GALNTL6: variants seen among roughly 807,000 people sequenced by gnomAD.
The protein encoded by GALNTL6 is polypeptide N-acetylgalactosaminyltransferase-like 6.
A neutral mutation model predicts 73.7 loss-of-function variants in GALNTL6; 46 were observed. The observed-to-expected ratio is 0.62, with a 90% CI of 0.49 to 0.80. The LOEUF is 0.80. Among genes scored for constraint, GALNTL6 ranks in the 30% least tolerant of loss-of-function variants. The pLI, the probability that GALNTL6 is intolerant of heterozygous loss-of-function variation, is 0.00. For missense variants in GALNTL6, 604 were observed against 755.0 expected (o/e 0.80, Z 2.34); for synonymous variants, 259 against 263.7 (o/e 0.98, Z 0.17).
At chr4:171,932,645 T>C (rs1738222495) in intron 2 of GALNTL6, among the ~76,000 whole-genome samples, 1 of 152,150 alleles carries the variant, frequency 6.6e-6, no homozygotes, top group Non-Finnish European at 1.5e-5. Flanking sequence ...TCTACCTATT[T>C]CCTTTTTGTA....
chr4:171,907,285 AC>A (rs1737316139), intron 2 of GALNTL6, among the ~76,000 whole-genome samples: 1 of 152,230 alleles, frequency 6.6e-6, no homozygotes, highest in Admixed American at 6.5e-5. Flanking sequence ...CTGATAAGCA[AC>A]TTCAGCAAAG....
intron 4 of GALNTL6, among the ~76,000 whole-genome samples, chr4:172,335,658 C>A (rs1741289871): frequency 6.6e-6 from 1 of 152,070 alleles, no homozygotes; most frequent in South Asian, 2.1e-4. Flanking sequence ...TCAATTTCTT[C>A]CTGATTCAAT....
At chr4:172,358,476 G>A (rs1161405895) in intron 5 of GALNTL6, among the ~76,000 whole-genome samples, 2 of 152,148 alleles carry the variant, frequency 1.3e-5, no homozygotes, top group South Asian at 2.1e-4. Context: ...ACACAAATTC[G>A]TAGAGTTTCT....
Position 172,417,336 on chromosome 4 carries a change from C to A in GALNTL6, c.553+68647C>A, listed in dbSNP as rs370095238. Among the ~76,000 whole-genome samples, 42 of 152,240 alleles carry A rather than the reference C, an allele frequency of 2.8e-4. 1 individual carries two copies. In the East Asian group the frequency reaches 7.1e-3, roughly 26 times the overall value. ...AGGGAAATTATGCACAGAATTCAAG[C>A]CTAAGACCTCAGTTTGTTGCTAGAC... On this transcript the variant is annotated intron_variant, in intron 5 of 12. Transcript: ENST00000506823.
At chr4:172,746,579 C>A (rs1315112071) in intron 5 of GALNTL6, among the ~76,000 whole-genome samples, 1 of 151,872 alleles carries the variant, frequency 6.6e-6, no homozygotes, top group African/African-American at 2.4e-5. Context: ...TTTTGCAGTT[C>A]TTAGCTACCT....
At chr4:171,960,688 T>TGAAAA (rs745862164) in intron 2 of GALNTL6, among the ~76,000 whole-genome samples, 5 of 129,492 alleles carry the variant, frequency 3.9e-5, no homozygotes, top group African/African-American at 1.5e-4. Flanking sequence ...TGTCTTTATT[T>TGAAAA]AAAAAAAAAA....
intron 2 of GALNTL6, among the ~76,000 whole-genome samples, chr4:172,138,907 T>G (rs1401002602): frequency 6.6e-6 from 1 of 152,108 alleles, no homozygotes; most frequent in Non-Finnish European, 1.5e-5. Context: ...GTTTATAAAT[T>G]ATTTCTTCCT....
intron 2 of GALNTL6, among the ~76,000 whole-genome samples, chr4:171,889,891 G>T (rs544001301): frequency 3.8e-4 from 58 of 152,138 alleles, no homozygotes; most frequent in African/African-American, 1.3e-3. Context: ...GGTATGTTTT[G>T]CAAATATTCT....
intron 5 of GALNTL6, among the ~76,000 whole-genome samples, chr4:172,659,051 G>A (rs1027787220): frequency 3.9e-5 from 6 of 152,076 alleles, no homozygotes; most frequent in African/African-American, 7.2e-5. Context: ...ACATGTATTC[G>A]ATCATTTAAT....
intron 2 of GALNTL6, among the ~76,000 whole-genome samples, chr4:172,046,430 T>C (rs1742224426): frequency 6.6e-6 from 1 of 152,108 alleles, no homozygotes; most frequent in Non-Finnish European, 1.5e-5. Flanking sequence ...CATTAGGTAT[T>C]TCTGAGGAAA....
intron 2 of GALNTL6, among the ~76,000 whole-genome samples, chr4:172,056,404 C>A (rs189281481): frequency 3.0e-4 from 46 of 152,088 alleles, no homozygotes; most frequent in African/African-American, 9.6e-4. Flanking sequence ...TGTTAACATT[C>A]TTTTTTGCTG....
Position 172,961,452 on chromosome 4 carries a change from G to A in GALNTL6, c.1371+9194G>A, listed in dbSNP as rs377743827. 2.1e-3 allele frequency among the ~76,000 whole-genome samples: 322 copies of A among 152,316 alleles called. 1 individual carries two copies. Among genetic ancestry groups the A allele is most frequent in the African/African-American group, 7.3e-3 (303 of 41,558 alleles). On this transcript the variant is annotated intron_variant, in intron 10 of 12. Transcript: ENST00000506823. ...CCAGAAAAGCGGTACTTGCTGCTAA[G>A]GGTGAAGGACCAAGGCAGGCGTCCC...
intron 8 of GALNTL6, among the ~76,000 whole-genome samples, chr4:172,900,867 T>G (rs1040384640): frequency 6.6e-6 from 1 of 152,178 alleles, no homozygotes; most frequent in Non-Finnish European, 1.5e-5. Context: ...TCTGGAGAGT[T>G]TGCAAAATAT....
Position 172,952,024 on chromosome 4 carries a change from TC to T in GALNTL6, c.1150-11del. On this transcript the variant is annotated splice_polypyrimidine_tract_variant and intron_variant, in intron 9 of 12. Transcript: ENST00000506823. ...AAACCAATAAATGACATTTTTGTTTTCCTGCTGCACAGAACCTGAAGCGGGT... is the reference window on the plus strand; with the variant it reads ...AAACCAATAAATGACATTTTTGTTTTCTGCTGCACAGAACCTGAAGCGGGT... The T allele has an allele frequency of 1.9e-6, 3 of 1,579,092 alleles. No homozygotes were observed. The highest frequency in any genetic ancestry group is 2.6e-6 in the Non-Finnish European group (3 of 1,161,452).
At chr4:171,889,689 CG>C (rs1553967517) in intron 2 of GALNTL6, among the ~76,000 whole-genome samples, 1 of 151,848 alleles carries the variant, frequency 6.6e-6, no homozygotes, top group Non-Finnish European at 1.5e-5. Context: ...AAAAATGAGT[CG>C]CAATGGAGAA....
intron 5 of GALNTL6, among the ~76,000 whole-genome samples, chr4:172,393,133 A>T (rs1743724527): frequency 6.6e-6 from 1 of 152,096 alleles, no homozygotes; most frequent in South Asian, 2.1e-4. Flanking sequence ...GGGTGGAAAA[A>T]TTGTCTTCCA....
At chr4:172,037,933 C>T (rs1169422871) in intron 2 of GALNTL6, among the ~76,000 whole-genome samples, 1 of 151,900 alleles carries the variant, frequency 6.6e-6, no homozygotes, top group Non-Finnish European at 1.5e-5. Context: ...GCCTGGCCAA[C>T]ATGGTGAAAC....
chr4:172,993,474 T>A (rs1399368033), intron 10 of GALNTL6, among the ~76,000 whole-genome samples: 2 of 152,230 alleles, frequency 1.3e-5, no homozygotes, highest in Non-Finnish European at 2.9e-5. Flanking sequence ...CAGAGGTGAT[T>A]AAGGCAAGCT....
At chr4:172,499,074 C>G (rs1227473280) in intron 5 of GALNTL6, among the ~76,000 whole-genome samples, 1 of 152,066 alleles carries the variant, frequency 6.6e-6, no homozygotes, top group Non-Finnish European at 1.5e-5. Flanking sequence ...ATCTAGTCCT[C>G]CACTATATCT....
Sources: gnomAD v4.1 joint callset for allele counts (sites outside exome capture counted in the v4.1 genomes callset) on GRCh38, gnomAD v4.1.1 for gene constraint, MANE v1.5 for transcripts, NCBI Gene and HGNC (gene_info 2026-07-23, HGNC 2026-07-21) for gene names.